The following MAGI3 variants were observed in gnomAD, a reference collection of about 807,000 sequenced individuals.
The protein encoded by MAGI3 is membrane associated guanylate kinase, WW and PDZ domain containing 3.
A neutral mutation model predicts 121.8 loss-of-function variants in MAGI3; 43 were observed. That is an observed-to-expected ratio of 0.35 (90% CI 0.28 to 0.46). The LOEUF is 0.46. MAGI3 is among the 20% of genes least tolerant of loss of function. The probability of loss-of-function intolerance (pLI) is 1.00; values close to 1 mark genes in which losing one functional copy is unlikely to be tolerated. For missense variants in MAGI3, 1,547 were observed against 1,797.3 expected, an observed-to-expected ratio of 0.86 and a Z score of 2.52; for synonymous variants, 553 against 639.3, an observed-to-expected ratio of 0.86 and a Z score of 2.04.
At chr1:113,569,803 A>C (rs1660584065) in intron 2 of MAGI3, among the ~76,000 whole-genome samples, 1 of 152,206 alleles carries the variant, frequency 6.6e-6, no homozygotes, top group Non-Finnish European at 1.5e-5. Context: ...GATGCAGTTT[A>C]GAAGGGGTTG....
At chr1:113,392,879 A>T (rs1650903343) in intron 1 of MAGI3, among the ~76,000 whole-genome samples, 2 of 152,218 alleles carry the variant, frequency 1.3e-5, no homozygotes, top group African/African-American at 4.8e-5. Context: ...GGCTATATAG[A>T]CAGCATTTAC....
At chr1:113,621,400 T>C (rs1374329282) in intron 8 of MAGI3, among the ~76,000 whole-genome samples, 2 of 152,144 alleles carry the variant, frequency 1.3e-5, no homozygotes, top group African/African-American at 2.4e-5. Flanking sequence ...CATTAGTCAC[T>C]CTAGGAAGAG....
chr1:113,480,580 G>A (rs367818575), intron 1 of MAGI3, among the ~76,000 whole-genome samples: 5 of 152,156 alleles, frequency 3.3e-5, no homozygotes, highest in African/African-American at 7.2e-5. Flanking sequence ...ATGTGCTCAC[G>A]TTACTCTTCT....
chr1:113,662,309 G>T (rs1653823175), intron 16 of MAGI3, among the ~76,000 whole-genome samples: 1 of 152,132 alleles, frequency 6.6e-6, no homozygotes, highest in Admixed American at 6.5e-5. Context: ...CTGTAGCCAG[G>T]ACTTGAGACT....
At chr1:113,461,246 C>A (rs868799770) in intron 1 of MAGI3, among the ~76,000 whole-genome samples, 1 of 152,060 alleles carries the variant, frequency 6.6e-6, no homozygotes, top group Non-Finnish European at 1.5e-5. Context: ...AAAACCCTTA[C>A]GGAACCAAAA....
At chr1:113,456,036 T>C (rs895970230) in intron 1 of MAGI3, among the ~76,000 whole-genome samples, 2 of 151,724 alleles carry the variant, frequency 1.3e-5, no homozygotes, top group Admixed American at 1.3e-4. Flanking sequence ...TTGCAAGCTC[T>C]GCCTCCCGGG....
chr1:113,484,955 A>T (rs1341344701), intron 1 of MAGI3, among the ~76,000 whole-genome samples: 2 of 150,982 alleles, frequency 1.3e-5, no homozygotes, highest in African/African-American at 4.9e-5. Context: ...GGTGGTCTTG[A>T]TCTCTTGACC....
chr1:113,521,370 G>A (rs1658185538), intron 1 of MAGI3, among the ~76,000 whole-genome samples: 1 of 150,860 alleles, frequency 6.6e-6, no homozygotes, highest in African/African-American at 2.4e-5. Flanking sequence ...ACAGGTGTGA[G>A]CCACCACGCC....
intron 15 of MAGI3, among the ~76,000 whole-genome samples, 176 bp downstream of exon 15, chr1:113,654,194 G>A (rs1653346304): frequency 6.6e-6 from 1 of 152,070 alleles, no homozygotes; most frequent in Admixed American, 6.6e-5. Context: ...GAACCTTCCA[G>A]GCTTCAAGTT....
intron 1 of MAGI3, among the ~76,000 whole-genome samples, chr1:113,399,556 T>A (rs920390442): frequency 8.5e-5 from 13 of 152,162 alleles, no homozygotes; most frequent in Admixed American, 8.5e-4. Flanking sequence ...CAAAACTGAT[T>A]TGATTTCTAG....
chr1:113,473,141 A>G (rs1180433152), intron 1 of MAGI3, among the ~76,000 whole-genome samples: 1 of 152,196 alleles, frequency 6.6e-6, no homozygotes, highest in African/African-American at 2.4e-5. Context: ...CAGTGATTAC[A>G]AACTCCCTCA....
chr1:113,547,954 T>A (rs1659612071), intron 1 of MAGI3, among the ~76,000 whole-genome samples: 1 of 152,208 alleles, frequency 6.6e-6, no homozygotes, highest in Admixed American at 6.5e-5. Context: ...GGGTTTGTGT[T>A]TATTAGTTTA....
chr1:113,477,376 T>G (rs1474150623), intron 1 of MAGI3, among the ~76,000 whole-genome samples: 1 of 152,198 alleles, frequency 6.6e-6, no homozygotes, highest in Non-Finnish European at 1.5e-5. Context: ...GGTTGTTTCT[T>G]TCCATGTTTA....
intron 1 of MAGI3, among the ~76,000 whole-genome samples, chr1:113,431,568 T>C (rs1653300403): frequency 6.6e-6 from 1 of 152,148 alleles, no homozygotes; most frequent in Admixed American, 6.5e-5. Context: ...TAAAAATAAA[T>C]AGTATTTAAG....
chr1:113,551,713 T>C (rs1339331780), intron 2 of MAGI3, among the ~76,000 whole-genome samples: 1 of 152,182 alleles, frequency 6.6e-6, no homozygotes, highest in African/African-American at 2.4e-5. Flanking sequence ...GTGATCAATA[T>C]CTTTAGCCTC....
chr1:113,469,989 G>GT (rs1284350923), intron 1 of MAGI3, among the ~76,000 whole-genome samples: 4 of 152,038 alleles, frequency 2.6e-5, no homozygotes, highest in African/African-American at 7.2e-5. Flanking sequence ...AAGTTTATCT[G>GT]TTTTTTCTGT....
intron 1 of MAGI3, chr1:113,404,498 A>G (rs1203390177): frequency 2.6e-5 from 4 of 152,184 alleles, no homozygotes; most frequent in African/African-American, 9.6e-5. Flanking sequence ...ACAATTATCT[A>G]TGCTTTTGAA....
At chr1:113,657,932 C>T (rs979037307) in intron 15 of MAGI3, among the ~76,000 whole-genome samples, 1 of 152,176 alleles carries the variant, frequency 6.6e-6, no homozygotes, top group African/African-American at 2.4e-5. Flanking sequence ...AAATCATCAT[C>T]AAGAATAACT....
intron 1 of MAGI3, among the ~76,000 whole-genome samples, chr1:113,514,101 C>T (rs369283702): frequency 1.8e-3 from 270 of 151,980 alleles, no homozygotes; most frequent in African/African-American, 4.7e-3. Flanking sequence ...GTTAGAATGG[C>T]GATCATTAAA....
Sources: allele counts gnomAD v4.1 joint callset (sites outside exome capture counted in the v4.1 genomes callset), GRCh38; gene constraint gnomAD v4.1.1; transcripts MANE v1.5; gene names NCBI Gene and HGNC (gene_info 2026-07-23, HGNC 2026-07-21).